Variants in SCLT1 observed in about 807,000 individuals in gnomAD.
SCLT1 encodes the protein sodium channel and clathrin linker 1, also known as sodium channel-associated protein 1.
Under a neutral mutation model 112.8 loss-of-function variants are expected in SCLT1, and 78 were observed. That is an observed-to-expected ratio of 0.69 (90% CI 0.58 to 0.83). SCLT1 has a LOEUF of 0.83. SCLT1 is among the 40% of genes least tolerant of loss of function. The pLI is 0.00. For missense variants in SCLT1, 747 were observed against 770.4 expected (o/e 0.97, Z 0.36); for synonymous variants, 257 against 254.7 (o/e 1.01, Z -0.09).
chr4:128,917,979 T>C (rs1735596392), intron 18 of SCLT1, among the ~76,000 whole-genome samples: 1 of 152,052 alleles, frequency 6.6e-6, no homozygotes, highest in South Asian at 2.1e-4. Flanking sequence ...GGAAGCTACT[T>C]TGGTTATGAA....
chr4:128,911,171 C>A (rs1735067038), intron 18 of SCLT1, among the ~76,000 whole-genome samples: 1 of 152,108 alleles, frequency 6.6e-6, no homozygotes, highest in South Asian at 2.1e-4. Context: ...GAGGCTAAGG[C>A]AGGAGAATCG....
intron 18 of SCLT1, among the ~76,000 whole-genome samples, chr4:128,894,363 AACACACACACAC>A (rs10522940): frequency 0.15 from 22,044 of 142,862 alleles, 1,878 homozygotes; most frequent in Middle Eastern, 0.22. Flanking sequence ...TTGAGTAAGT[AACACACACACAC>A]ACACACACAC....
intron 1 of SCLT1, among the ~76,000 whole-genome samples, chr4:129,089,447 C>A (rs558754662): frequency 6.6e-6 from 1 of 152,322 alleles, no homozygotes; most frequent in East Asian, 1.9e-4. Flanking sequence ...TTGTGGAAGA[C>A]AGTGTGGCGA....
chr4:128,967,325 C>T (rs773669563), intron 10 of SCLT1, among the ~76,000 whole-genome samples: 1 of 152,130 alleles, frequency 6.6e-6, no homozygotes, highest in Non-Finnish European at 1.5e-5. Context: ...CATACATGGA[C>T]ATGTGTCTTG....
At chr4:128,968,003 G>A (rs1279305824) in intron 10 of SCLT1, among the ~76,000 whole-genome samples, 1 of 152,054 alleles carries the variant, frequency 6.6e-6, no homozygotes, top group East Asian at 1.9e-4. Context: ...CTCTGTTCAG[G>A]TCATTTTTCT....
chr4:129,052,528 G>T (rs1748903999), intron 2 of SCLT1, among the ~76,000 whole-genome samples: 1 of 151,702 alleles, frequency 6.6e-6, no homozygotes, highest in Non-Finnish European at 1.5e-5. Flanking sequence ...GATGTTTATA[G>T]TATTCTCTCA....
chr4:128,887,754 C>T (rs1457041109), intron 20 of SCLT1, among the ~76,000 whole-genome samples: 1 of 152,070 alleles, frequency 6.6e-6, no homozygotes, highest in Non-Finnish European at 1.5e-5. Context: ...CATTGTTATT[C>T]TGCATTTTCT....
chr4:128,945,788 A>G (rs1738100939), intron 16 of SCLT1, among the ~76,000 whole-genome samples: 1 of 152,178 alleles, frequency 6.6e-6, no homozygotes, highest in South Asian at 2.1e-4. Context: ...CAGAAAGGAT[A>G]CATTTAAAAG....
chr4:128,965,967 G>T (rs1740148326), intron 10 of SCLT1, among the ~76,000 whole-genome samples: 1 of 151,624 alleles, frequency 6.6e-6, no homozygotes, highest in Non-Finnish European at 1.5e-5. Flanking sequence ...GAGTAGCTGG[G>T]ATTACAGGCA....
chr4:129,009,641 G>T (rs1296318004), intron 5 of SCLT1, among the ~76,000 whole-genome samples: 1 of 151,836 alleles, frequency 6.6e-6, no homozygotes, highest in Non-Finnish European at 1.5e-5. Flanking sequence ...GTTATTTTTT[G>T]ATGTTTTAAC....
In SCLT1 at chr4:129,047,810, A is replaced by T. The variant is rs116263161; in HGVS notation, c.103-3759T>A. Among the ~76,000 whole-genome samples the T allele has an allele frequency of 8.0e-3, 1,211 of 151,948 alleles. 15 individuals carry two copies. Among genetic ancestry groups the T allele is most frequent in the African/African-American group, 0.028 (1,161 of 41,470 alleles). On this transcript the variant is annotated intron_variant, in intron 2 of 20. Transcript: ENST00000281142. ...TCTTTTAGAGATGTCTATTCAGCTC[A>T]TTTGCTCCTTTTTTAATTAGATTCT...
At chr4:129,028,791 T>A (rs1462009195) in intron 5 of SCLT1, among the ~76,000 whole-genome samples, 2 of 151,670 alleles carry the variant, frequency 1.3e-5, no homozygotes, top group Non-Finnish European at 2.9e-5. Flanking sequence ...GACAAAAGGC[T>A]AATATCCAGA....
intron 12 of SCLT1, among the ~76,000 whole-genome samples, chr4:128,957,477 TTC>T (rs1739316064): frequency 6.6e-6 from 1 of 152,136 alleles, no homozygotes; most frequent in African/African-American, 2.4e-5. Context: ...TCTCTTGAAT[TTC>T]TCTCTCTTTC....
chr4:128,969,765 TG>T (rs1740525765), intron 10 of SCLT1, among the ~76,000 whole-genome samples: 1 of 152,172 alleles, frequency 6.6e-6, no homozygotes, highest in African/African-American at 2.4e-5. Flanking sequence ...GGGTGCTTTC[TG>T]GTGTTTTAAA....
intron 5 of SCLT1, among the ~76,000 whole-genome samples, chr4:129,016,913 C>T (rs907101044): frequency 4.6e-5 from 7 of 152,192 alleles, no homozygotes; most frequent in East Asian, 1.9e-4. Flanking sequence ...TCAGAAGAAG[C>T]CTGATTACAG....
chr4:128,933,465 G>T (rs1736936320), intron 18 of SCLT1, among the ~76,000 whole-genome samples: 1 of 151,994 alleles, frequency 6.6e-6, no homozygotes, highest in South Asian at 2.1e-4. Flanking sequence ...ACTTAAGTTG[G>T]TCCATGGGCC....
chr4:129,032,658 T>A (rs1185157541), intron 5 of SCLT1, among the ~76,000 whole-genome samples: 1 of 151,344 alleles, frequency 6.6e-6, no homozygotes, highest in East Asian at 1.9e-4. Context: ...AAAAACCCCA[T>A]CAAAAAGTGG....
chr4:129,038,323 A>G (rs1209604979), intron 5 of SCLT1, among the ~76,000 whole-genome samples: 3 of 152,194 alleles, frequency 2.0e-5, no homozygotes, highest in Non-Finnish European at 4.4e-5. Flanking sequence ...TTGGAAATTA[A>G]GTTGATATTA....
rs144200882 is a variant in SCLT1, at chr4:128,948,551, C to T, written c.1238G>A (p.Gly413Asp). Residue 413 changes from glycine (G) to aspartate (D), a missense_variant, in exon 15 of 21, where the codon GGC becomes GAC. Transcript: ENST00000281142. ...TTCCTTAATGACTCGTTCAATTTGG[C>T]CTTGTTTTTCAGCACACTCCTATAA... ...ALQMECAEKQ[G>D]QIERVIKEKK... is the part of the protein sequence containing the mutation. 6.8e-4 allele frequency: 1,099 copies of T among 1,606,200 alleles called. No individual in the cohort carries two copies. The highest frequency in any genetic ancestry group is 8.5e-4 in the Non-Finnish European group (995 of 1,174,300).
Sources: gnomAD v4.1 joint callset for allele counts (sites outside exome capture counted in the v4.1 genomes callset) on GRCh38, gnomAD v4.1.1 for gene constraint, MANE v1.5 for transcripts, NCBI Gene and HGNC (gene_info 2026-07-23, HGNC 2026-07-21) for gene names.